The following WWP2 variants were observed in gnomAD, a reference collection of about 807,000 sequenced individuals.
The protein encoded by WWP2 is WW domain containing E3 ubiquitin protein ligase 2.
In WWP2, 57 loss-of-function variants were observed where a neutral mutation model predicts 121.0. That is an observed-to-expected ratio of 0.47 (90% CI 0.38 to 0.59). WWP2 has a LOEUF of 0.59. Ranked by LOEUF, WWP2 falls within the 20% of genes least tolerant of loss-of-function variation. The probability of loss-of-function intolerance (pLI) is 0.00; values close to 1 mark genes in which losing one functional copy is unlikely to be tolerated. For missense variants in WWP2, 962 were observed against 1,158.9 expected, an observed-to-expected ratio of 0.83 and a Z score of 2.47; for synonymous variants, 449 against 441.3, an observed-to-expected ratio of 1.02 and a Z score of -0.22.
rs749192267 is a variant in WWP2, at chr16:69,888,149, C to T, written c.814C>T (p.Leu272Phe). 1.2e-6 allele frequency: 2 copies of T among 1,614,236 alleles called. No homozygotes were observed. The highest frequency in any genetic ancestry group is 8.5e-7 in the Non-Finnish European group (1 of 1,180,048). ...SVTPNPNTTS[L>F]PAPATPAEGE... ...GACCCCGAATCCCAACACGACTTCTCTCCCTGCCCCAGCCACACCGGCTGA... is the reference window on the plus strand; with the variant it reads ...GACCCCGAATCCCAACACGACTTCTTTCCCTGCCCCAGCCACACCGGCTGA... The change falls in exon 8 of 24, where the codon CTC becomes TTC. Residue 272 changes from leucine (L) to phenylalanine (F), a missense_variant. Around this residue, in one of 3 missense-constraint regions of WWP2, gnomAD observed 211 missense variants for 196.5 expected, o/e 1.07. Transcript: ENST00000359154.
intron 6 of WWP2, among the ~76,000 whole-genome samples, chr16:69,869,517 A>T (rs1330682479): frequency 1.3e-5 from 2 of 150,970 alleles, no homozygotes; most frequent in Admixed American, 6.6e-5. Context: ...CTAATTTTTT[A>T]AATTTTTTGC....
Position 69,925,987 on chromosome 16 carries a change from A to G in WWP2, c.1234+503A>G, listed in dbSNP as rs1236154209. On this transcript the variant is annotated intron_variant, in intron 11 of 23. Transcript: ENST00000359154. This position sits in a 1 kb window ranked among gnomAD's most constrained non-coding sequence, Gnocchi z 4.0. ...TTTTTATTTCTGACATAGCTGTGAA[A>G]GAGGCCAGAGGGAAGCAGATACGAG... 6.6e-6 allele frequency: 1 copy of G among 152,670 alleles called. No homozygotes were observed. Among genetic ancestry groups the G allele is most frequent in the African/African-American group, 2.4e-5 (1 of 41,476 alleles). 9.5% of individuals were successfully genotyped at this position (152,670 alleles called of 1,614,324 possible). A position where few individuals can be genotyped will look rare whatever the true frequency, so the allele number is the denominator to read the frequency against.
intron 6 of WWP2, among the ~76,000 whole-genome samples, chr16:69,867,140 C>G (rs2057540251): frequency 7.5e-6 from 1 of 132,616 alleles, no homozygotes; most frequent in African/African-American, 2.8e-5. Flanking sequence ...CTGGCCAAGG[C>G]TTTTTTTTTT....
intron 8 of WWP2, among the ~76,000 whole-genome samples, chr16:69,904,711 C>T (rs975491751): frequency 2.6e-5 from 4 of 152,082 alleles, no homozygotes; most frequent in Non-Finnish European, 4.4e-5. Context: ...CCAGATCCTG[C>T]CCTTTTGGTA....
chr16:69,865,195 G>A (rs28882509), intron 6 of WWP2, among the ~76,000 whole-genome samples: 2 of 151,758 alleles, frequency 1.3e-5, no homozygotes, highest in South Asian at 2.1e-4. Context: ...GACTACAGGC[G>A]CTTGCCACCA....
intron 6 of WWP2, among the ~76,000 whole-genome samples, chr16:69,849,602 TGAGACAGTGGTCAAGGGTCCCACTG>T (rs2057162900): frequency 6.6e-6 from 1 of 152,170 alleles, no homozygotes; most frequent in African/African-American, 2.4e-5. Flanking sequence ...GGAATAGGAT[TGAGACAGTGGTCAAGGGTCCCACTG>T]CATTCTCCAA....
At position 69,908,921 on chromosome 16, in the gene WWP2, C is replaced by T. The variant is rs144287207; in HGVS notation, c.1004+71C>T. 1,143 of 1,608,800 alleles carry T rather than the reference C, an allele frequency of 7.1e-4. 5 individuals are homozygous for T. In the African/African-American group the frequency reaches 0.013, roughly 19 times the overall value. Reference sequence around the variant, plus strand: ...TGAGTCACCCAATGGCTTCTTGAAACGGTCCCTTTCTGCGGAGGTAGCATA... The same window carrying T: ...TGAGTCACCCAATGGCTTCTTGAAATGGTCCCTTTCTGCGGAGGTAGCATA... On this transcript the variant is annotated intron_variant, in intron 9 of 23. Coordinates refer to ENST00000359154, the MANE Select transcript of WWP2 (RefSeq NM_001270454.2).
intron 6 of WWP2, among the ~76,000 whole-genome samples, chr16:69,871,549 C>A (rs1361166559): frequency 2.0e-5 from 3 of 152,142 alleles, no homozygotes; most frequent in African/African-American, 7.2e-5. Context: ...GATGTAGGGG[C>A]AATTCACTCT....
At chr16:69,871,734 TTAGG>T in intron 6 of WWP2, 66 bp from the exon 7 acceptor site, 4 of 1,587,726 alleles carry the variant, frequency 2.5e-6, no homozygotes, top group Non-Finnish European at 2.6e-6. Flanking sequence ...ATATGATGAC[TTAGG>T]TAGGAAACAC....
chr16:69,869,349 C>T lies in WWP2; in HGVS notation c.576-2455C>T, dbSNP rs560694004. ...TTTGCTACGTTTCTCCCTTTTTCTC[C>T]TTTTTTTTTTTTGTTGGGGATTGGG... On this transcript the variant is annotated intron_variant, in intron 6 of 23. Coordinates refer to ENST00000359154, the MANE Select transcript of WWP2 (RefSeq NM_001270454.2). Among the ~76,000 whole-genome samples, 198 of 141,294 alleles carry T rather than the reference C, an allele frequency of 1.4e-3. 1 individual carries two copies. The highest frequency in any genetic ancestry group is 7.7e-3 in the South Asian group (34 of 4,438). 92.7% of individuals were successfully genotyped at this position (141,294 alleles called of 152,430 possible).
At chr16:69,777,619 A>G (rs961426160) in intron 1 of WWP2, among the ~76,000 whole-genome samples, 2 of 151,930 alleles carry the variant, frequency 1.3e-5, no homozygotes, top group African/African-American at 4.8e-5. Flanking sequence ...CTTTTAAAAA[A>G]ATCTTTTTAT....
intron 7 of WWP2, among the ~76,000 whole-genome samples, chr16:69,877,819 A>G (rs1567401229): frequency 6.6e-6 from 1 of 152,080 alleles, no homozygotes; most frequent in East Asian, 1.9e-4. Context: ...TTATTTATTT[A>G]TTTATTGAGA....
At chr16:69,934,309 C>A (rs967990527) in intron 17 of WWP2, among the ~76,000 whole-genome samples, 180 bp downstream of exon 17, 5 of 152,106 alleles carry the variant, frequency 3.3e-5, no homozygotes, top group Non-Finnish European at 7.4e-5. Context: ...TGAACGGCAG[C>A]CCCCGTGGAC....
In WWP2 at chr16:69,941,506, A is replaced by G. The variant is rs370624389; in HGVS notation, c.*1566A>G. On this transcript the variant is annotated 3_prime_UTR_variant, in exon 24 of 24. Transcript: ENST00000359154. Reference sequence around the variant, plus strand: ...TTGCTGTACTTCCCTGTGGCACGTTACCATGGAAGCCGCTCCAGGGTGGGT... The same window carrying G: ...TTGCTGTACTTCCCTGTGGCACGTTGCCATGGAAGCCGCTCCAGGGTGGGT... The G allele has an allele frequency of 6.5e-6, 1 of 153,834 alleles. No individual in the cohort carries two copies. The highest frequency in any genetic ancestry group is 1.5e-5 in the Non-Finnish European group (1 of 68,140). 9.5% of individuals were successfully genotyped at this position (153,834 alleles called of 1,614,324 possible).
intron 6 of WWP2, among the ~76,000 whole-genome samples, chr16:69,859,761 C>T (rs2057382487): frequency 6.6e-6 from 1 of 151,822 alleles, no homozygotes; most frequent in Middle Eastern, 3.4e-3. Context: ...GTCAGATCTC[C>T]CTGTGATTTG....
In WWP2 at chr16:69,935,874, A is replaced by T; in HGVS notation, c.1864A>T (p.Ile622Phe). 1 of 1,613,836 alleles carries T rather than the reference A, an allele frequency of 6.2e-7. No individual in the cohort carries two copies. Among genetic ancestry groups the T allele is most frequent in the Non-Finnish European group, 8.5e-7 (1 of 1,179,918 alleles). ...CCAGGCGCTGTACCATGGAAAGTTCATCGACACGGGCTTCACCCTCCCTTT... is the reference window on the plus strand; with the variant it reads ...CCAGGCGCTGTACCATGGAAAGTTCTTCGACACGGGCTTCACCCTCCCTTT... ...IAMALYHGKF[I>F]DTGFTLPFYK... Residue 622 changes from isoleucine to phenylalanine, a missense_variant, in exon 18 of 24, where the codon ATC (isoleucine) becomes TTC (phenylalanine). Transcript: ENST00000359154. This position sits in a 1 kb window ranked among gnomAD's most constrained non-coding sequence, Gnocchi z 5.2.
chr16:69,828,234 C>T (rs562838713), intron 4 of WWP2, among the ~76,000 whole-genome samples: 1 of 152,108 alleles, frequency 6.6e-6, no homozygotes, highest in East Asian at 1.9e-4. Context: ...TTCCCTCCTC[C>T]TAAGGGCAGA....
chr16:69,895,774 A>C (rs1016118950), intron 8 of WWP2, among the ~76,000 whole-genome samples: 1 of 152,182 alleles, frequency 6.6e-6, no homozygotes. Flanking sequence ...AAAAGAAAAA[A>C]AAGTTTCTAA....
At chr16:69,883,165 AAATT>A (rs2057860902) in intron 7 of WWP2, among the ~76,000 whole-genome samples, 1 of 152,010 alleles carries the variant, frequency 6.6e-6, no homozygotes, top group African/African-American at 2.4e-5. Flanking sequence ...AAAAAAAAAA[AAATT>A]AATACAGCAA....
Sources: gnomAD v4.1 joint callset for allele counts (sites outside exome capture counted in the v4.1 genomes callset) on GRCh38, gnomAD v4.1.1 for gene constraint, gnomAD v4.1.1 regional missense constraint, Gnocchi (gnomAD v3.1) non-coding constraint, MANE v1.5 for transcripts, NCBI Gene and HGNC (gene_info 2026-07-23, HGNC 2026-07-21) for gene names.